NDRG2: variants seen among roughly 807,000 people sequenced by gnomAD.
NDRG2 encodes NDRG family member 2.
A neutral mutation model predicts 58.2 loss-of-function variants in NDRG2; 34 were observed. The observed-to-expected ratio is 0.58, with a 90% CI of 0.44 to 0.78. The LOEUF is 0.78. Ranked by LOEUF, NDRG2 falls within the 30% of genes least tolerant of loss-of-function variation. The pLI, the probability that NDRG2 is intolerant of heterozygous loss-of-function variation, is 0.00. For synonymous variants in NDRG2, 187 were observed against 175.9 expected (o/e 1.06, Z -0.50); for missense variants, 434 against 471.2 (o/e 0.92, Z 0.73).
At chr14:21,018,598 T>C in intron 12 of NDRG2, 94 bp from the exon 13 acceptor site, 1 of 1,559,210 alleles carries the variant, frequency 6.4e-7, no homozygotes, top group Non-Finnish European at 8.7e-7. Context: ...GTCCCTTTTC[T>C]ATCAGCTCCC....
intron 1 of NDRG2, among the ~76,000 whole-genome samples, chr14:21,068,706 G>T (rs151244761): frequency 0.015 from 2,223 of 152,332 alleles, 17 homozygotes; most frequent in Non-Finnish European, 0.024. Context: ...CCCTAGCCGG[G>T]TGTTAGAAAG....
chr14:21,069,372 A>G (rs1886490008), intron 1 of NDRG2, among the ~76,000 whole-genome samples: 1 of 151,804 alleles, frequency 6.6e-6, no homozygotes, highest in Admixed American at 6.6e-5. Context: ...GCCCTGCGGG[A>G]CTCTATAGCC....
intron 3 of NDRG2, 23 bp downstream of exon 3, chr14:21,022,841 T>C: frequency 1.9e-6 from 3 of 1,612,306 alleles, no homozygotes; most frequent in East Asian, 4.5e-5. Context: ...CCTCCCACCT[T>C]GGGACTGCCC....
In NDRG2 at chr14:21,033,864, T is replaced by C. The variant is rs140148764; in HGVS notation, c.25-10543A>G. ...AGCGATACCTATTGGATCAGCTTCA[T>C]ACTTGCGGGAGCAGAGTAGGTAGAG... On this transcript the variant is annotated intron_variant, in intron 1 of 14. Transcript: ENST00000403829. The C allele has an allele frequency of 3.3e-4, 526 of 1,614,110 alleles. 6 individuals are homozygous for C. The East Asian group carries it at 8.1e-3, about 25-fold the overall frequency.
rs142488400 is a variant in NDRG2 at position 21,020,812 on chromosome 14, G to A, written c.440C>T (p.Ala147Val). 3.7e-6 allele frequency: 6 copies of A among 1,613,622 alleles called. No homozygotes were observed. The African/African-American group carries it at 5.3e-5, about 14-fold the overall frequency. ...FSTIIGVGVG[A>V]GAYILARYAL... The stretch of plus-strand genomic sequence containing the variant: ...ATATCTCGCCAGGATGTAGGCTCCA[G>A]CTCCAACACCAACTCCAATTATTGT... Residue 147 changes from alanine to valine, a missense_variant, in exon 7 of 16, where the codon GCT becomes GTT. Physicochemically the swap from Ala to Val is moderately conservative, Grantham distance 64. Transcript: ENST00000556147.
intron 6 of NDRG2, 52 bp from the exon 7 acceptor site, chr14:21,020,896 G>A (rs1451922810): frequency 1.3e-6 from 2 of 1,581,502 alleles, no homozygotes; most frequent in Non-Finnish European, 1.7e-6. Flanking sequence ...TCCAAAACCT[G>A]CCACAGCCCA....
intron 10 of NDRG2, 28 bp downstream of exon 10, chr14:21,019,611 C>T: frequency 6.9e-7 from 1 of 1,440,282 alleles, no homozygotes; most frequent in Non-Finnish European, 9.7e-7. Context: ...GCATTTCTCT[C>T]ACATGCATAC....
chr14:21,022,778 G>C (rs1053890480), intron 3 of NDRG2, 86 bp downstream of exon 3: 8 of 1,360,748 alleles, frequency 5.9e-6, no homozygotes, highest in Non-Finnish European at 8.2e-6. Flanking sequence ...AGCAAAGAGA[G>C]AAGAGAGGGC....
At chr14:21,058,156 C>T in intron 1 of NDRG2, 5 of 1,614,182 alleles carry the variant, frequency 3.1e-6, no homozygotes, top group Non-Finnish European at 4.2e-6. Context: ...CCAACATAGC[C>T]TGCAAGAATA....
At position 21,070,686 on chromosome 14, in the gene NDRG2, T is replaced by C; in HGVS notation, c.24+142A>G. ...CCACACACCTCCCCGCTCCCCGCCC[T>C]CCTCTGTCCTGACCTGTGCCTTCCT... is the stretch of plus-strand genomic sequence containing the variant. On this transcript the variant is annotated intron_variant, in intron 1 of 14. Coordinates refer to the NDRG2 transcript ENST00000403829. The surrounding 1 kb of genome is among the most constrained non-coding windows in gnomAD (Gnocchi z 4.7). The C allele has an allele frequency of 1.0e-6, 1 of 966,320 alleles. No individual in the cohort carries two copies. Among genetic ancestry groups the C allele is most frequent in the Non-Finnish European group, 1.5e-6 (1 of 658,704 alleles). The allele number at this position is 966,320 out of a possible 1,614,324, so 59.9% of individuals were successfully genotyped here.
rs777722238 is a variant in NDRG2 at position 21,023,387 on chromosome 14, G to T, written c.-6-66C>A. The T allele has an allele frequency of 1.7e-5, 24 of 1,400,736 alleles. No homozygotes were observed. In the Admixed American group the frequency reaches 4.4e-4, roughly 26 times the overall value. 86.8% of individuals were successfully genotyped at this position (1,400,736 alleles called of 1,614,324 possible). ...ATCCCCACATCGCCTCAAACACCAG[G>T]CTTCCTCTCTCAGCACAGGAAGATG... On this transcript the variant is annotated intron_variant, in intron 1 of 15. Coordinates refer to ENST00000556147, the MANE Select transcript of NDRG2 (RefSeq NM_001320329.2).
upstream of NDRG2, chr14:21,030,549 C>T (rs769369640): frequency 6.2e-7 from 1 of 1,604,998 alleles, no homozygotes. Flanking sequence ...CCAAGTGTCT[C>T]CCACGACTGC....
chr14:21,018,820 GAC>G lies in NDRG2; in HGVS notation c.762-8_762-7del, dbSNP rs761998673. ...CCACCAGCATCACAGGACACCTAAA[GAC>G]ACAGTGTTGGGGAGAAGGCAGTGAG... On this transcript the variant is annotated splice_region_variant and splice_polypyrimidine_tract_variant and intron_variant, in intron 11 of 15. Transcript: ENST00000556147. 1.2e-6 allele frequency: 2 copies of G among 1,614,014 alleles called. No individual in the cohort carries two copies. Among genetic ancestry groups the G allele is most frequent in the East Asian group, 4.5e-5 (2 of 44,892 alleles).
chr14:21,033,137 G>C (rs774460679), intron 1 of NDRG2: 14 of 379,832 alleles, frequency 3.7e-5, no homozygotes, highest in African/African-American at 3.0e-4. Flanking sequence ...GGAAGAAAAA[G>C]AGGTTGGAAA....
intron 1 of NDRG2, among the ~76,000 whole-genome samples, chr14:21,058,612 A>C (rs1367274433): frequency 6.6e-6 from 1 of 152,134 alleles, no homozygotes; most frequent in Non-Finnish European, 1.5e-5. Flanking sequence ...GGATCCCCAC[A>C]AGGATGGATC....
intron 1 of NDRG2, among the ~76,000 whole-genome samples, chr14:21,049,748 A>G (rs1235430658): frequency 6.6e-6 from 1 of 150,910 alleles, no homozygotes; most frequent in African/African-American, 2.4e-5. Context: ...TATCAAATGG[A>G]TCTCAGACAT....
intron 1 of NDRG2, chr14:21,032,394 C>G (rs1884276475): frequency 2.1e-6 from 1 of 467,978 alleles, no homozygotes; most frequent in South Asian, 1.6e-5. Context: ...AAAGTATCTA[C>G]TACTTGTGTT....
At chr14:21,048,751 G>A (rs1296579415) in intron 1 of NDRG2, among the ~76,000 whole-genome samples, 2 of 152,142 alleles carry the variant, frequency 1.3e-5, no homozygotes, top group Non-Finnish European at 2.9e-5. Flanking sequence ...AATGTTGAGT[G>A]GTCAAACCTG....
intron 1 of NDRG2, chr14:21,042,896 A>G: frequency 1.0e-6 from 1 of 985,970 alleles, no homozygotes; most frequent in Non-Finnish European, 1.5e-6. Flanking sequence ...ATGGGTGACT[A>G]GCTCATATGA....
Sources: allele counts gnomAD v4.1 joint callset (sites outside exome capture counted in the v4.1 genomes callset), GRCh38; gene constraint gnomAD v4.1.1; non-coding constraint Gnocchi (gnomAD v3.1); transcripts MANE v1.5; gene names NCBI Gene and HGNC (gene_info 2026-07-23, HGNC 2026-07-21).